Variants in MED1 observed in about 807,000 individuals in gnomAD.
The protein encoded by MED1 is mediator complex subunit 1.
MED1 carries 17 observed loss-of-function variants against 121.3 expected under a neutral mutation model. The observed-to-expected ratio is 0.14, with a 90% CI of 0.10 to 0.21. The LOEUF is 0.21. MED1 is among the 10% of genes least tolerant of loss of function. MED1 has a pLI of 1.00. For synonymous variants in MED1, 661 were observed against 694.4 expected (o/e 0.95, Z 0.76); for missense variants, 1,558 against 1,919.4 (o/e 0.81, Z 3.52).
Position 39,451,143 on chromosome 17 carries a change from G to A in MED1, c.-81C>T, listed in dbSNP as rs929654761. The stretch of plus-strand genomic sequence containing the variant: ...CTAACGGAGGAAACAAGTTGGCTCG[G>A]GATCCCGGGACGCAGGGCACCAGCA... On this transcript the variant is annotated 5_prime_UTR_variant, in exon 1 of 17. Coordinates refer to ENST00000300651, the MANE Select transcript of MED1 (RefSeq NM_004774.4). 2 of 1,532,920 alleles carry A rather than the reference G, an allele frequency of 1.3e-6. No homozygotes were observed. The highest frequency in any genetic ancestry group is 2.8e-5 in the African/African-American group (2 of 72,658). The allele number at this position is 1,532,920 out of a possible 1,614,324, so 95.0% of individuals were successfully genotyped here.
chr17:39,431,930 T>C lies in MED1; in HGVS notation c.575+12A>G. 6.4e-7 allele frequency: 1 copy of C among 1,568,684 alleles called. No homozygotes were observed. Among genetic ancestry groups the C allele is most frequent in the Non-Finnish European group, 8.8e-7 (1 of 1,139,046 alleles). ...AAGGGATCATGTAGAATTAAGGTTT[T>C]AGCAGTCTTACCAGTACATAATTGC... On this transcript the variant is annotated intron_variant, in intron 8 of 16. Coordinates refer to ENST00000300651, the MANE Select transcript of MED1 (RefSeq NM_004774.4).
intron 7 of MED1, among the ~76,000 whole-genome samples, chr17:39,433,957 T>C (rs1227586350): frequency 1.3e-5 from 2 of 152,184 alleles, no homozygotes; most frequent in East Asian, 1.9e-4. Context: ...AGGTTAAAAA[T>C]AGAATTAAAG....
chr17:39,427,759 A>G lies in MED1; in HGVS notation c.681T>C (p.Ser227=). Residue 227 remains serine, a synonymous_variant, in exon 10 of 17, where the codon TCT becomes TCC. Coordinates refer to ENST00000300651, the MANE Select transcript of MED1 (RefSeq NM_004774.4). ...GHLMNLKYYV[S]PSDLLDDKTA... ...TCTTGTCATCCAGTAGGTCAGAAGG[A>G]GAGACATAGTACTTCAGGTTCATTA... is the stretch of plus-strand genomic sequence containing the variant. 2 of 1,604,580 alleles carry G rather than the reference A, an allele frequency of 1.2e-6. No homozygotes were observed. The highest frequency in any genetic ancestry group is 1.7e-6 in the Non-Finnish European group (2 of 1,171,734).
rs751932737 is a variant in MED1, at chr17:39,408,897, A to G, written c.3324T>C (p.Ala1108=). Residue 1108 remains alanine (A), a synonymous_variant, in exon 17 of 17, where the codon GCT becomes GCC. Transcript: ENST00000300651. This position sits in a 1 kb window ranked among gnomAD's most constrained non-coding sequence, Gnocchi z 4.7. ...HSHSSSSSSS[A]STSGKMKSSK... ...TGCTTTTCATCTTCCCTGAGGTGGA[A>G]GCAGATGAGGAAGAGGAGGAAGAAT... 2 of 1,614,150 alleles carry G rather than the reference A, an allele frequency of 1.2e-6. No individual in the cohort carries two copies. The highest frequency in any genetic ancestry group is 1.1e-5 in the South Asian group (1 of 91,084).
intron 14 of MED1, 28 bp downstream of exon 14, chr17:39,419,689 A>G (rs370636940): frequency 6.3e-7 from 1 of 1,576,602 alleles, no homozygotes; most frequent in Non-Finnish European, 8.7e-7. Flanking sequence ...TCCATCTTCC[A>G]GTAAGCATAT....
At position 39,431,973 on chromosome 17, in the gene MED1, G is replaced by T. The variant is rs1470903274; in HGVS notation, c.544C>A (p.Gln182Lys). ...KMYLALQSLE[Q>K]DLSKMAIMYW... ...ATAATTGCCATTTTAGAAAGATCTT[G>T]TTCTAAGGATTGGAGAGCCAAGTAC... Residue 182 changes from glutamine (Q) to lysine (K), a missense_variant, in exon 8 of 17, where the codon CAA (glutamine) becomes AAA (lysine). By Grantham distance (53) the Gln-to-Lys change is moderately conservative (BLOSUM62 1). Around this residue, in one of 5 missense-constraint regions of MED1, gnomAD observed 443 missense variants for 532.4 expected, o/e 0.83. Transcript: ENST00000300651. 1 of 1,607,844 alleles carries T rather than the reference G, an allele frequency of 6.2e-7. No homozygotes were observed. Among genetic ancestry groups the T allele is most frequent in the Admixed American group, 1.7e-5 (1 of 59,958 alleles).
In MED1 at chr17:39,424,526, C is replaced by T. The variant is rs574849682; in HGVS notation, c.851+101G>A. The T allele has an allele frequency of 1.2e-5, 9 of 722,180 alleles. No individual in the cohort carries two copies. The East Asian group carries it at 2.2e-4, about 17-fold the overall frequency. The allele number at this position is 722,180 out of a possible 1,614,324, so 44.7% of individuals were successfully genotyped here. ...ATGAATGGATAAAACAAAAGGCCAACCTCTAGAAATTCAAGTGGGGTAACA... is the reference window on the plus strand; with the variant it reads ...ATGAATGGATAAAACAAAAGGCCAATCTCTAGAAATTCAAGTGGGGTAACA... On this transcript the variant is annotated intron_variant, in intron 11 of 16. Transcript: ENST00000300651.
In MED1 at chr17:39,410,281, T is replaced by C. The variant is rs1444643210; in HGVS notation, c.1940A>G (p.Asn647Ser). Residue 647 changes from asparagine (N) to serine (S), a missense_variant, in exon 17 of 17, where the codon AAC becomes AGC. By Grantham distance (46) the Asn-to-Ser change is conservative. Coordinates refer to ENST00000300651, the MANE Select transcript of MED1 (RefSeq NM_004774.4). ...CTGGGCAGGATTATCTTTAAGAAGG[T>C]TCATGAGCATCGGGTGGTTCTTGGT... ...GNTKNHPMLMNLLKDNPAQDF... is the reference protein window; with the variant it reads ...GNTKNHPMLMSLLKDNPAQDF... 3 of 1,613,844 alleles carry C rather than the reference T, an allele frequency of 1.9e-6. No individual in the cohort carries two copies. The highest frequency in any genetic ancestry group is 1.7e-5 in the Admixed American group (1 of 59,972).
At chr17:39,447,536 C>T (rs1362199990) in intron 2 of MED1, among the ~76,000 whole-genome samples, 1 of 152,040 alleles carries the variant, frequency 6.6e-6, no homozygotes, top group Non-Finnish European at 1.5e-5. Context: ...AGACTTGGGT[C>T]CCATCCCCAA....
chr17:39,411,455 TACTAAAAATACAAAAAA>T (rs1348084370), intron 16 of MED1, among the ~76,000 whole-genome samples: 1 of 151,264 alleles, frequency 6.6e-6, no homozygotes, highest in Non-Finnish European at 1.5e-5. Flanking sequence ...ACCCTGTCTC[TACTAAAAATACAAAAAA>T]TTAGCCAGCC....
intron 7 of MED1, among the ~76,000 whole-genome samples, chr17:39,433,452 A>G (rs2048586959): frequency 6.6e-6 from 1 of 151,712 alleles, no homozygotes; most frequent in African/African-American, 2.4e-5. Flanking sequence ...AGCCTCCCAA[A>G]GTGGCCAGGA....
intron 6 of MED1, among the ~76,000 whole-genome samples, chr17:39,438,236 A>T (rs1443459558): frequency 6.7e-6 from 1 of 150,314 alleles, no homozygotes; most frequent in Non-Finnish European, 1.5e-5. Context: ...CAGTGGCACG[A>T]TCTCAGCACA....
In MED1 at chr17:39,415,031, A is replaced by T. The variant is rs1355813197; in HGVS notation, c.1494T>A (p.Val498=). ...TGAAAAAGGGCCAAGGCTACCTTTGAACAACTTTGGCAATGAAGTCATCTG... is the reference window on the plus strand; with the variant it reads ...TGAAAAAGGGCCAAGGCTACCTTTGTACAACTTTGGCAATGAAGTCATCTG... ...ICTDDFIAKV[V]QRCMSIPVTM... is the part of the protein sequence containing the mutation. The change falls in exon 16 of 17, where the codon GTT becomes GTA. Residue 498 remains valine (V), a synonymous_variant. Transcript: ENST00000300651. 6.2e-7 allele frequency: 1 copy of T among 1,613,712 alleles called. No homozygotes were observed. Among genetic ancestry groups the T allele is most frequent in the Non-Finnish European group, 8.5e-7 (1 of 1,179,656 alleles).
At chr17:39,421,018 G>T (rs982883776) in intron 13 of MED1, among the ~76,000 whole-genome samples, 1 of 151,126 alleles carries the variant, frequency 6.6e-6, no homozygotes, top group South Asian at 2.1e-4. Context: ...GGATGGTCTC[G>T]ATCTCCTGAC....
At chr17:39,432,455 T>A (rs1174572858) in intron 7 of MED1, among the ~76,000 whole-genome samples, 1 of 151,546 alleles carries the variant, frequency 6.6e-6, no homozygotes, top group African/African-American at 2.4e-5. Context: ...ATATATATAT[T>A]TTTAAAAACT....
At chr17:39,428,700 C>A (rs1295987509) in intron 9 of MED1, among the ~76,000 whole-genome samples, 1 of 151,930 alleles carries the variant, frequency 6.6e-6, no homozygotes, top group Non-Finnish European at 1.5e-5. Flanking sequence ...CACCTGTAAT[C>A]CCAGCACTTT....
Position 39,423,704 on chromosome 17 carries a change from G to C in MED1, c.969C>G (p.Asn323Lys), listed in dbSNP as rs746591665. 64 of 1,613,934 alleles carry C rather than the reference G, an allele frequency of 4.0e-5. No homozygotes were observed. The highest frequency in any genetic ancestry group is 5.3e-5 in the Non-Finnish European group (62 of 1,179,982). ...VSRAFVQKLQ[N>K]CTGIPLFETQ... Reference sequence around the variant, plus strand: ...CTGATGCTCAAAACTCACCTGTGCAGTTCTGCAGTTTCTGAACAAATGCTC... The same window carrying C: ...CTGATGCTCAAAACTCACCTGTGCACTTCTGCAGTTTCTGAACAAATGCTC... Residue 323 changes from asparagine to lysine, a missense_variant, in exon 12 of 17, where the codon AAC becomes AAG. Around this residue, in one of 5 missense-constraint regions of MED1, gnomAD observed 443 missense variants for 532.4 expected, o/e 0.83. Transcript: ENST00000300651.
chr17:39,427,496 GCTC>G, intron 10 of MED1: 1 of 351,428 alleles, frequency 2.8e-6, no homozygotes, highest in Non-Finnish European at 5.2e-6. Flanking sequence ...TACTTATTAA[GCTC>G]CTATTATGTA....
rs1567657006 is a variant in MED1, at chr17:39,451,024, C to T, written c.25+14G>A. On this transcript the variant is annotated intron_variant, in intron 1 of 16. Coordinates refer to ENST00000300651, the MANE Select transcript of MED1 (RefSeq NM_004774.4). ...GTTGTGTCCCGCCCCCTCCTTTCCCCTACAGTCACTTACCCTCGGTTTCCC... is the reference window on the plus strand; with the variant it reads ...GTTGTGTCCCGCCCCCTCCTTTCCCTTACAGTCACTTACCCTCGGTTTCCC... The T allele has an allele frequency of 6.2e-7, 1 of 1,610,296 alleles. No individual in the cohort carries two copies. The highest frequency in any genetic ancestry group is 1.3e-5 in the African/African-American group (1 of 74,790).
Sources: allele counts gnomAD v4.1 joint callset (sites outside exome capture counted in the v4.1 genomes callset), GRCh38; gene constraint gnomAD v4.1.1; regional missense constraint gnomAD v4.1.1; non-coding constraint Gnocchi (gnomAD v3.1); transcripts MANE v1.5; gene names NCBI Gene and HGNC (gene_info 2026-07-23, HGNC 2026-07-21).